Variants in KCTD14 observed in about 807,000 individuals in gnomAD.
The protein encoded by KCTD14 is BTB/POZ domain-containing protein KCTD14.
In KCTD14, 7 loss-of-function variants were observed where a neutral mutation model predicts 5.9. The ratio of observed to expected loss-of-function variants is 1.19; its 90% CI spans 0.68 to 2.23. The LOEUF (loss-of-function observed/expected upper bound fraction) is 2.23. KCTD14 is among the 30% of genes most tolerant of loss of function. KCTD14 has a pLI of 0.00. For missense variants in KCTD14, 342 were observed against 332.2 expected (o/e 1.03, Z -0.23); for synonymous variants, 140 against 133.1 (o/e 1.05, Z -0.36).
chr11:78,038,698 A>G, exon 2 of KCTD14: 1 of 1,535,762 alleles, frequency 6.5e-7, no homozygotes, highest in Non-Finnish European at 8.7e-7. Flanking sequence ...CCCCACAGCA[A>G]ACACAGCAGG....
chr11:78,020,018 C>G (rs1857270054), intron 1 of KCTD14, among the ~76,000 whole-genome samples: 1 of 152,180 alleles, frequency 6.6e-6, no homozygotes, highest in African/African-American at 2.4e-5. Flanking sequence ...AACCTTGTGC[C>G]AAACAGAAGA....
rs545915295 is a variant in KCTD14, at chr11:78,022,128, G to A, written c.90+1032C>T. 3.9e-5 allele frequency among the ~76,000 whole-genome samples: 6 copies of A among 152,230 alleles called. No individual in the cohort carries two copies. In the South Asian group the frequency reaches 1.2e-3, roughly 32 times the overall value. ...TTCTTCATTGACTGTGAGGTTCCTG[G>A]CCAAGTGCTGTGTTTCATGCCTGTA... On this transcript the variant is annotated intron_variant, in intron 1 of 1. Transcript: ENST00000353172.
intron 1 of KCTD14, 147 bp from the exon 2 acceptor site, chr11:78,017,417 GT>G: frequency 9.4e-7 from 1 of 1,064,314 alleles, no homozygotes; most frequent in Non-Finnish European, 1.3e-6. Flanking sequence ...ACTAAAGAGG[GT>G]TATATTTATG....
upstream of KCTD14, among the ~76,000 whole-genome samples, chr11:78,025,142 A>G (rs1223473452): frequency 6.6e-5 from 8 of 120,390 alleles, no homozygotes; most frequent in African/African-American, 3.1e-4. Context: ...ATATATATAT[A>G]TATATATATA....
At chr11:78,042,558 C>T (rs773300579) in intron 1 of KCTD14, among the ~76,000 whole-genome samples, 19 of 152,108 alleles carry the variant, frequency 1.2e-4, no homozygotes, top group African/African-American at 3.9e-4. Flanking sequence ...CTAACCTATG[C>T]GCTTTGAACG....
chr11:78,017,058 C>T lies in KCTD14; in HGVS notation c.303G>A (p.Gln101=). ...DYLRTGQVPT[Q]HIPEVYREAQ... ...CCTCACGGTACACTTCAGGGATGTG[C>T]TGTGTGGGCACTTGCCCAGTGCGCA... Residue 101 remains glutamine, a synonymous_variant, in exon 2 of 2, where the codon CAG becomes CAA. Coordinates refer to ENST00000353172, the MANE Select transcript of KCTD14 (RefSeq NM_023930.4). 6.2e-7 allele frequency: 1 copy of T among 1,614,238 alleles called. No homozygotes were observed. Among genetic ancestry groups the T allele is most frequent in the Non-Finnish European group, 8.5e-7 (1 of 1,180,054 alleles).
At position 78,030,679 on chromosome 11, in the gene KCTD14, G is replaced by A. The variant is rs770212880; in HGVS notation, c.-1+7985C>T. ...CGGCCAGCCCCTCTCCCCTCCAGGC[G>A]GCTGGGCTTTAGGCCAGCCAGCCAA... is the stretch of plus-strand genomic sequence containing the variant. On this transcript the variant is annotated intron_variant, in intron 2 of 2. Coordinates refer to the KCTD14 transcript ENST00000533144. 4.3e-4 allele frequency among the ~76,000 whole-genome samples: 65 copies of A among 152,212 alleles called. 1 individual carries two copies. Among genetic ancestry groups the A allele is most frequent in the Non-Finnish European group, 7.5e-4 (51 of 68,014 alleles).
Position 78,017,118 on chromosome 11 carries a change from G to T in KCTD14, c.243C>A (p.Arg81=). The T allele has an allele frequency of 6.2e-7, 1 of 1,614,174 alleles. No homozygotes were observed. Among genetic ancestry groups the T allele is most frequent in the Non-Finnish European group, 8.5e-7 (1 of 1,180,028 alleles). Residue 81 remains arginine, a synonymous_variant, in exon 2 of 2, where the codon CGC becomes CGA. Transcript: ENST00000353172. ...GGATGGGTCTGAAATAGGTGCTGGG[G>T]CGGTCGATGAAGAAGCGGCCCTCCG... ...TDAEGRFFID[R]PSTYFRPILD...
chr11:78,027,372 T>C (rs1159293521), upstream of KCTD14, among the ~76,000 whole-genome samples: 6 of 151,120 alleles, frequency 4.0e-5, no homozygotes, highest in Non-Finnish European at 8.9e-5. Context: ...ATCCCTATTT[T>C]TTTTTTTTTG....
intron 1 of KCTD14, among the ~76,000 whole-genome samples, chr11:78,019,493 A>T (rs1438263990): frequency 1.3e-5 from 2 of 151,420 alleles, no homozygotes; most frequent in Non-Finnish European, 2.9e-5. Flanking sequence ...ATGTAAAAAA[A>T]TTTTTTTAGA....
Position 78,038,888 on chromosome 11 carries a change from G to A in KCTD14, c.-95-130C>T, listed in dbSNP as rs570686466. On this transcript the variant is annotated intron_variant, in intron 1 of 2. Coordinates refer to the KCTD14 transcript ENST00000533144. ...AGAACTGGATGGCTACTGCTGCTGT[G>A]GTCACGGTCAGGCCCGGATGTACCA... is the stretch of plus-strand genomic sequence containing the variant. 7 of 1,096,554 alleles carry A rather than the reference G, an allele frequency of 6.4e-6. No individual in the cohort carries two copies. The East Asian group carries it at 1.6e-4, about 24-fold the overall frequency. The allele number at this position is 1,096,554 out of a possible 1,614,324, so 67.9% of individuals were successfully genotyped here. A position where few individuals can be genotyped will look rare whatever the true frequency, so the allele number is the denominator to read the frequency against.
At position 78,039,170 on chromosome 11, in the gene KCTD14, C is replaced by A. The variant is rs574818565; in HGVS notation, c.-95-412G>T. Reference sequence around the variant, plus strand: ...TTGAACTGGGACAGGGTTGGTGCCACCCCTACTACATATATATCCACTAAC... The same window carrying A: ...TTGAACTGGGACAGGGTTGGTGCCAACCCTACTACATATATATCCACTAAC... On this transcript the variant is annotated intron_variant, in intron 1 of 2. Transcript: ENST00000533144. Among the ~76,000 whole-genome samples, 4 of 151,932 alleles carry A rather than the reference C, an allele frequency of 2.6e-5. No individual in the cohort carries two copies. In the South Asian group the frequency reaches 8.3e-4, roughly 32 times the overall value.
chr11:78,029,733 G>T (rs1857562770), intron 2 of KCTD14, among the ~76,000 whole-genome samples: 1 of 151,672 alleles, frequency 6.6e-6, no homozygotes, highest in Non-Finnish European at 1.5e-5. Flanking sequence ...TTTTTTAATA[G>T]GTTTTGATGG....
At chr11:78,025,146 A>G (rs1320818150), upstream of KCTD14, among the ~76,000 whole-genome samples, 106 of 113,230 alleles carry the variant, frequency 9.4e-4, 1 homozygote, top group African/African-American at 3.6e-3. Flanking sequence ...ATATATATAT[A>G]TATATATATA....
chr11:78,027,915 T>C (rs142427763), upstream of KCTD14, among the ~76,000 whole-genome samples: 17 of 152,152 alleles, frequency 1.1e-4, no homozygotes, highest in African/African-American at 4.1e-4. Context: ...GTTCTGTCAG[T>C]CTTAAGGTCT....
intron 1 of KCTD14, among the ~76,000 whole-genome samples, chr11:78,039,084 A>C (rs867702981): frequency 1.9e-4 from 29 of 151,716 alleles, no homozygotes; most frequent in African/African-American, 2.7e-4. Context: ...AAAAAAAAAA[A>C]ACACAAAAAA....
rs1857154274 is a variant in KCTD14, at chr11:78,016,027, T to C, written c.*566A>G. Reference sequence around the variant, plus strand: ...AGATTCTGATTCAGTAGGTCTGAGGTGGGGCCTGAGGATTTGTATTTCCAG... The same window carrying C: ...AGATTCTGATTCAGTAGGTCTGAGGCGGGGCCTGAGGATTTGTATTTCCAG... On this transcript the variant is annotated 3_prime_UTR_variant, in exon 2 of 2. Coordinates refer to ENST00000353172, the MANE Select transcript of KCTD14 (RefSeq NM_023930.4). The C allele has an allele frequency of 6.5e-6, 1 of 153,302 alleles. No individual in the cohort carries two copies. 9.5% of individuals were successfully genotyped at this position (153,302 alleles called of 1,614,324 possible). A position where few individuals can be genotyped will look rare whatever the true frequency, so the allele number is the denominator to read the frequency against.
intron 1 of KCTD14, among the ~76,000 whole-genome samples, chr11:78,045,669 G>T (rs1858115114): frequency 1.3e-5 from 2 of 152,230 alleles, no homozygotes; most frequent in Admixed American, 1.3e-4. Flanking sequence ...GGGTTGGTTA[G>T]ATCAGATGTC....
intron 1 of KCTD14, among the ~76,000 whole-genome samples, chr11:78,018,754 T>C (rs1277861967): frequency 2.0e-5 from 3 of 151,860 alleles, no homozygotes; most frequent in Non-Finnish European, 4.4e-5. Context: ...GTGGAGTTGT[T>C]ATGAAGTCAA....
Sources: allele counts gnomAD v4.1 joint callset (sites outside exome capture counted in the v4.1 genomes callset), GRCh38; gene constraint gnomAD v4.1.1; transcripts MANE v1.5; gene names NCBI Gene and HGNC (gene_info 2026-07-23, HGNC 2026-07-21).